VPS9D1: variants seen among roughly 807,000 people sequenced by gnomAD.
The protein encoded by VPS9D1 is VPS9 domain-containing protein 1.
VPS9D1 carries 78 observed loss-of-function variants against 75.8 expected under a neutral mutation model. That is an observed-to-expected ratio of 1.03 (90% CI 0.86 to 1.24). The LOEUF (loss-of-function observed/expected upper bound fraction) is 1.24. Among genes scored for constraint, VPS9D1 ranks in the 50% most tolerant of loss-of-function variants. The probability of loss-of-function intolerance (pLI) is 0.00; values close to 1 mark genes in which losing one functional copy is unlikely to be tolerated. For missense variants in VPS9D1, 1,057 were observed against 847.7 expected, an observed-to-expected ratio of 1.25 and a Z score of -3.07; for synonymous variants, 481 against 385.6, an observed-to-expected ratio of 1.25 and a Z score of -2.90.
At chr16:89,712,387 C>G (rs1409427276) in intron 6 of VPS9D1, 73 bp downstream of exon 6, 3 of 1,596,330 alleles carry the variant, frequency 1.9e-6, no homozygotes, top group African/African-American at 2.7e-5. Context: ...CCTCGCTGCC[C>G]CCTTCTCTGC....
At chr16:89,711,051 C>T in intron 9 of VPS9D1, 41 bp from the exon 10 acceptor site, 5 of 1,430,286 alleles carry the variant, frequency 3.5e-6, no homozygotes, top group Non-Finnish European at 4.6e-6. Flanking sequence ...CAGCCTCGGC[C>T]TCTCCGTGGC....
At chr16:89,712,300 G>C in intron 6 of VPS9D1, 160 bp downstream of exon 6, 1 of 1,335,620 alleles carries the variant, frequency 7.5e-7, no homozygotes. Flanking sequence ...ACGGCGGCCG[G>C]GCCTTCCCCT....
intron 2 of VPS9D1, chr16:89,717,642 G>C (rs533342503): frequency 6.7e-6 from 3 of 449,960 alleles, no homozygotes; most frequent in South Asian, 3.1e-5. Context: ...GACTCCCCCC[G>C]GAAACTGCCC....
At chr16:89,713,237 A>G (rs559452109) in intron 4 of VPS9D1, among the ~76,000 whole-genome samples, 12 of 152,192 alleles carry the variant, frequency 7.9e-5, no homozygotes, top group Admixed American at 2.0e-4. Context: ...TGGTATTGCC[A>G]GGACTTTTGG....
At chr16:89,718,533 C>A (rs533786899) in intron 2 of VPS9D1, among the ~76,000 whole-genome samples, 1 of 152,120 alleles carries the variant, frequency 6.6e-6, no homozygotes, top group Non-Finnish European at 1.5e-5. Context: ...TTATCCACAA[C>A]GCTGGTCCCT....
chr16:89,710,472 A>T, intron 10 of VPS9D1, 114 bp downstream of exon 10: 1 of 1,179,474 alleles, frequency 8.5e-7, no homozygotes, highest in Non-Finnish European at 1.2e-6. Flanking sequence ...GGGTGGATGT[A>T]AGTCTGATCA....
rs758102932 is a variant in VPS9D1 at position 89,708,858 on chromosome 16, T to C, written c.1696A>G (p.Ile566Val). The change falls in exon 13 of 15, where the codon ATT becomes GTT. Residue 566 changes from isoleucine to valine, a missense_variant and splice_region_variant. Coordinates refer to ENST00000389386, the MANE Select transcript of VPS9D1 (RefSeq NM_004913.3). ...AGPPPIAAAA[I>V]GADDLLPILS... Reference sequence around the variant, plus strand: ...ACACCTCGCCCTCCTGGGACTCACATGGCAGCTGCAGCGATGGGCGGGGGC... The same window carrying C: ...ACACCTCGCCCTCCTGGGACTCACACGGCAGCTGCAGCGATGGGCGGGGGC... 11 of 1,579,560 alleles carry C rather than the reference T, an allele frequency of 7.0e-6. No homozygotes were observed. The highest frequency in any genetic ancestry group is 6.9e-5 in the African/African-American group (5 of 72,970).
chr16:89,716,939 C>A, intron 2 of VPS9D1, 117 bp from the exon 3 acceptor site: 1 of 955,958 alleles, frequency 1.0e-6, no homozygotes, highest in Non-Finnish European at 1.5e-6. Flanking sequence ...AGCACCCCCA[C>A]TGACCCCGGG....
chr16:89,717,361 GT>G (rs1323960738), intron 2 of VPS9D1: 2 of 353,970 alleles, frequency 5.7e-6, no homozygotes, highest in Admixed American at 3.7e-5. Flanking sequence ...GGAAGTGGCC[GT>G]TTTACAGAGA....
Position 89,719,029 on chromosome 16 carries a change from T to C in VPS9D1, c.173A>G (p.Lys58Arg). The change falls in exon 2 of 15, where the codon AAA (lysine) becomes AGA (arginine). Residue 58 changes from lysine to arginine, a missense_variant and splice_region_variant. Transcript: ENST00000389386. The part of the protein sequence containing the change: ...QVLLEEVETT[K>R]EAGETVPPDT... ...GCGCCCGGCTGGCTGAGCCGTACCTTTAGTGGTTTCCACTTCTTCTAGTAA... is the reference window on the plus strand; with the variant it reads ...GCGCCCGGCTGGCTGAGCCGTACCTCTAGTGGTTTCCACTTCTTCTAGTAA... 1 of 1,613,174 alleles carries C rather than the reference T, an allele frequency of 6.2e-7. No individual in the cohort carries two copies. The highest frequency in any genetic ancestry group is 8.5e-7 in the Non-Finnish European group (1 of 1,179,766).
chr16:89,709,010 C>G, intron 12 of VPS9D1, 54 bp from the exon 13 acceptor site: 1 of 1,402,002 alleles, frequency 7.1e-7, no homozygotes, highest in South Asian at 1.3e-5. Context: ...CAGCCTGAGC[C>G]ACCCCTTATA....
rs201628202 is a variant in VPS9D1 at position 89,709,276 on chromosome 16, G to A, written c.1548C>T (p.Leu516=). ...GYPYCAAAQE[L]GLLVLESCPQ... is the part of the protein sequence containing the mutation. ...GGCAGCTCTCCAGGACCAGCAGTCC[G>A]AGCTCCTGGGCCGCCGCGCAGTAGG... Residue 516 remains leucine, a synonymous_variant, in exon 12 of 15, where the codon CTC becomes CTT. Transcript: ENST00000389386. 15 of 1,611,114 alleles carry A rather than the reference G, an allele frequency of 9.3e-6. No individual in the cohort carries two copies. The East Asian group carries it at 2.9e-4, about 31-fold the overall frequency.
Position 89,709,233 on chromosome 16 carries a change from A to G in VPS9D1, c.1591T>C (p.Cys531Arg). The G allele has an allele frequency of 1.2e-6, 2 of 1,611,480 alleles. No individual in the cohort carries two copies. Among genetic ancestry groups the G allele is most frequent in the Middle Eastern group, 1.8e-4 (1 of 5,464 alleles). The change falls in exon 12 of 15, where the codon TGC becomes CGC. Residue 531 changes from cysteine to arginine, a missense_variant. Cys to Arg is a radical substitution (Grantham distance 180). Coordinates refer to ENST00000389386, the MANE Select transcript of VPS9D1 (RefSeq NM_004913.3). ...GACTCTCGAACCTGCTGACCTATGC[A>G]CTCCAGCTTCTTCTGGGGGCAGCTC... Reference protein sequence around the residue: ...LESCPQKKLECIVRTLRIICV... With the variant: ...LESCPQKKLERIVRTLRIICV...
rs781008316 is a variant in VPS9D1 at position 89,716,534 on chromosome 16, C to T, written c.359G>A (p.Gly120Glu). 4 of 1,614,134 alleles carry T rather than the reference C, an allele frequency of 2.5e-6. No homozygotes were observed. The highest frequency in any genetic ancestry group is 2.2e-5 in the East Asian group (1 of 44,880). Reference sequence around the variant, plus strand: ...GGGTGGCAGAAAAGGAGAGAGCTTTCCTCCTTCATCGGAGTATACACGGCG... The same window carrying T: ...GGGTGGCAGAAAAGGAGAGAGCTTTTCTCCTTCATCGGAGTATACACGGCG... ...RHRRVYSDEG[G>E]KLSPFLPPEI... Residue 120 changes from glycine (G) to glutamate (E), a missense_variant, in exon 4 of 15, where the codon GGA becomes GAA. By Grantham distance (98) the Gly-to-Glu change is moderately conservative. Coordinates refer to ENST00000389386, the MANE Select transcript of VPS9D1 (RefSeq NM_004913.3).
Position 89,710,592 on chromosome 16 carries a change from C to A in VPS9D1, c.1252G>T (p.Ala418Ser), listed in dbSNP as rs567871997. ...AGGGAGGGCCTGGCCTCACCTACGGCATTGTGGATCTCCTCCACCGCGGTC... is the reference window on the plus strand; with the variant it reads ...AGGGAGGGCCTGGCCTCACCTACGGAATTGTGGATCTCCTCCACCGCGGTC... ...LKTAVEEIHN[A>S]VDRLLSLTLL... The change falls in exon 10 of 15, where the codon GCC (alanine) becomes TCC (serine). Residue 418 changes from alanine to serine, a missense_variant. Ala to Ser is a moderately conservative substitution (Grantham distance 99, BLOSUM62 1). Transcript: ENST00000389386. The A allele has an allele frequency of 1.4e-5, 23 of 1,597,132 alleles. No homozygotes were observed. In the African/African-American group the frequency reaches 2.8e-4, roughly 20 times the overall value.
chr16:89,715,651 A>G (rs943060103), intron 4 of VPS9D1, among the ~76,000 whole-genome samples: 4 of 151,094 alleles, frequency 2.6e-5, no homozygotes, highest in African/African-American at 9.7e-5. Flanking sequence ...CCTCCCTAGT[A>G]GTTGGGACTA....
At chr16:89,720,459 T>G in intron 1 of VPS9D1, 16 of 1,071,688 alleles carry the variant, frequency 1.5e-5, no homozygotes, top group East Asian at 1.2e-4. Context: ...GTCACTCGGA[T>G]TTTGGAAGGT....
intron 4 of VPS9D1, among the ~76,000 whole-genome samples, chr16:89,715,024 C>T (rs1206494953): frequency 3.9e-5 from 6 of 152,174 alleles, no homozygotes; most frequent in East Asian, 3.8e-4. Context: ...CCAACGAACA[C>T]GTTAGGCTTT....
Position 89,710,948 on chromosome 16 carries a change from A to G in VPS9D1, c.896T>C (p.Leu299Pro). Residue 299 changes from leucine to proline, a missense_variant, in exon 10 of 15, where the codon CTG (leucine) becomes CCG (proline). By Grantham distance (98) the Leu-to-Pro change is moderately conservative. Coordinates refer to ENST00000389386, the MANE Select transcript of VPS9D1 (RefSeq NM_004913.3). The stretch of plus-strand genomic sequence containing the variant: ...GGCTGCTCTGCTCACGGCGGGATAC[A>G]GGGCGCTGTACACGGAGCACTGCAG... ...RRLQCSVYSA[L>P]YPAVSRAAAP... The G allele has an allele frequency of 6.8e-7, 1 of 1,473,022 alleles. No homozygotes were observed. Among genetic ancestry groups the G allele is most frequent in the African/African-American group, 1.4e-5 (1 of 71,188 alleles). 91.2% of individuals were successfully genotyped at this position (1,473,022 alleles called of 1,614,324 possible).
Sources: allele counts gnomAD v4.1 joint callset (sites outside exome capture counted in the v4.1 genomes callset), GRCh38; gene constraint gnomAD v4.1.1; transcripts MANE v1.5; gene names NCBI Gene and HGNC (gene_info 2026-07-23, HGNC 2026-07-21).